Variants in DPYSL2 observed in about 807,000 individuals in gnomAD.
The protein encoded by DPYSL2 is dihydropyrimidinase like 2, also known as dihydropyrimidinase-related protein 2.
Under a neutral mutation model 69.9 loss-of-function variants are expected in DPYSL2, and 13 were observed. The observed-to-expected ratio is 0.19, with a 90% CI of 0.12 to 0.30. The LOEUF is 0.30. Ranked by LOEUF, DPYSL2 falls within the 10% of genes least tolerant of loss-of-function variation. DPYSL2 has a pLI of 1.00. For missense variants in DPYSL2, 587 were observed against 918.9 expected (o/e 0.64, Z 4.67); for synonymous variants, 326 against 359.1 (o/e 0.91, Z 1.04).
chr8:26,549,004 C>T (rs937725362), intron 1 of DPYSL2, among the ~76,000 whole-genome samples: 2 of 152,034 alleles, frequency 1.3e-5, no homozygotes, highest in Non-Finnish European at 2.9e-5. Context: ...GCCTGACCAA[C>T]ATGGGGAAGC....
chr8:26,568,935 A>C (rs1207009458), intron 1 of DPYSL2, among the ~76,000 whole-genome samples: 1 of 152,144 alleles, frequency 6.6e-6, no homozygotes, highest in Non-Finnish European at 1.5e-5. Flanking sequence ...TGTGAATGTG[A>C]GGCTTGATGC....
chr8:26,577,972 C>G (rs1801395715), intron 1 of DPYSL2: 3 of 1,304,426 alleles, frequency 2.3e-6, no homozygotes, highest in Non-Finnish European at 2.9e-6. Context: ...CCACCCCCTT[C>G]CCTCCTGTTT....
chr8:26,578,533 G>A, intron 1 of DPYSL2: 1 of 1,410,888 alleles, frequency 7.1e-7, no homozygotes, highest in African/African-American at 1.4e-5. Flanking sequence ...GGTAGCCTTA[G>A]GTAACGCGCC....
intron 1 of DPYSL2, among the ~76,000 whole-genome samples, chr8:26,575,914 A>C (rs1435533013): frequency 6.6e-6 from 1 of 152,082 alleles, no homozygotes; most frequent in Non-Finnish European, 1.5e-5. Flanking sequence ...CAAAGCTGGG[A>C]CTGACTGTTG....
In DPYSL2 at chr8:26,626,265, CT is replaced by C. The variant is rs1418895093; in HGVS notation, c.794-348del. 6.6e-6 allele frequency among the ~76,000 whole-genome samples: 1 copy of C among 152,086 alleles called. No individual in the cohort carries two copies. Among genetic ancestry groups the C allele is most frequent in the African/African-American group, 2.4e-5 (1 of 41,384 alleles). On this transcript the variant is annotated intron_variant, in intron 4 of 13. Transcript: ENST00000521913. This position sits in a 1 kb window ranked among gnomAD's most constrained non-coding sequence, Gnocchi z 4.3. ...ATGGAGGCTTGATTTTTGCTTCCAC[CT>C]TTTGGCTATTGTGAATAATTCTGCT...
chr8:26,649,777 C>A lies in DPYSL2; in HGVS notation c.1596+1977C>A, dbSNP rs565218368. Among the ~76,000 whole-genome samples, 11 of 152,220 alleles carry A rather than the reference C, an allele frequency of 7.2e-5. No individual in the cohort carries two copies. In the South Asian group the frequency reaches 1.9e-3, roughly 26 times the overall value. On this transcript the variant is annotated intron_variant, in intron 11 of 13. Transcript: ENST00000521913. ...TGGCCCGATGAGTAATTTTAGGGAG[C>A]CTGTGTGGATGTAGGTTAAAAATGT...
At chr8:26,556,972 G>A (rs1343161150) in intron 1 of DPYSL2, among the ~76,000 whole-genome samples, 1 of 152,124 alleles carries the variant, frequency 6.6e-6, no homozygotes, top group Non-Finnish European at 1.5e-5. Context: ...ATTCAGTGTT[G>A]AAAATACAGC....
chr8:26,555,260 GA>G (rs771993127), intron 1 of DPYSL2, among the ~76,000 whole-genome samples: 39 of 151,540 alleles, frequency 2.6e-4, no homozygotes, highest in Non-Finnish European at 4.3e-4. Flanking sequence ...GGTAATACAA[GA>G]AGCAAGAAAA....
chr8:26,573,730 G>A (rs1801278347), intron 1 of DPYSL2, among the ~76,000 whole-genome samples: 2 of 149,844 alleles, frequency 1.3e-5, no homozygotes, highest in South Asian at 2.1e-4. Context: ...CCAGCTACTC[G>A]GGAGGCTGAG....
At chr8:26,581,460 G>C (rs1214016056) in intron 1 of DPYSL2, among the ~76,000 whole-genome samples, 1 of 150,258 alleles carries the variant, frequency 6.7e-6, no homozygotes, top group Admixed American at 6.6e-5. Context: ...TACAACCTCC[G>C]CCTGCTGCTT....
rs1279730820 is a variant in DPYSL2 at position 26,588,923 on chromosome 8, C to T, written c.628+4940C>T. ...CTGTGTTACCTCTTGCACTCATTCC[C>T]TTACCCACACAGATTTGACTTTTGT... On this transcript the variant is annotated intron_variant, in intron 3 of 13. Coordinates refer to ENST00000521913, the MANE Select transcript of DPYSL2 (RefSeq NM_001197293.3). This position sits in a 1 kb window ranked among gnomAD's most constrained non-coding sequence, Gnocchi z 5.4. 1.3e-5 allele frequency among the ~76,000 whole-genome samples: 2 copies of T among 152,204 alleles called. No individual in the cohort carries two copies. The highest frequency in any genetic ancestry group is 6.5e-5 in the Admixed American group (1 of 15,286).
At chr8:26,578,003 C>G in intron 1 of DPYSL2, 1 of 1,367,166 alleles carries the variant, frequency 7.3e-7, no homozygotes, top group East Asian at 3.0e-5. Context: ...TTCTCTCTCT[C>G]TCTCTCTCTC....
chr8:26,577,013 G>T (rs1401844533), intron 1 of DPYSL2: 1 of 321,966 alleles, frequency 3.1e-6, no homozygotes, highest in East Asian at 1.6e-4. Flanking sequence ...GGCGGGCTGC[G>T]GCTGCTCCCC....
rs939763140 is a variant in DPYSL2 at position 26,626,331 on chromosome 8, G to T, written c.794-286G>T. ...GCAAACACTGGCAACTTTTAATTTT[G>T]ATATACTTGTAAACTTACAGGAAGA... is the stretch of plus-strand genomic sequence containing the variant. On this transcript the variant is annotated intron_variant, in intron 4 of 13. Coordinates refer to ENST00000521913, the MANE Select transcript of DPYSL2 (RefSeq NM_001197293.3). This position sits in a 1 kb window ranked among gnomAD's most constrained non-coding sequence, Gnocchi z 4.3. Among the ~76,000 whole-genome samples, 1 of 152,260 alleles carries T rather than the reference G, an allele frequency of 6.6e-6. No homozygotes were observed. Among genetic ancestry groups the T allele is most frequent in the Non-Finnish European group, 1.5e-5 (1 of 68,026 alleles).
Position 26,643,412 on chromosome 8 carries a change from C to G in DPYSL2, c.1127-27C>G. On this transcript the variant is annotated intron_variant, in intron 8 of 13. Coordinates refer to ENST00000521913, the MANE Select transcript of DPYSL2 (RefSeq NM_001197293.3). This position sits in a 1 kb window ranked among gnomAD's most constrained non-coding sequence, Gnocchi z 6.5. Reference sequence around the variant, plus strand: ...TCCCTTCCCCCTGCATTGTGTTGGACTGAACCTTGTGTGTTCTGTTTGTCA... The same window carrying G: ...TCCCTTCCCCCTGCATTGTGTTGGAGTGAACCTTGTGTGTTCTGTTTGTCA... 1 of 1,563,102 alleles carries G rather than the reference C, an allele frequency of 6.4e-7. No homozygotes were observed. Among genetic ancestry groups the G allele is most frequent in the Non-Finnish European group, 8.6e-7 (1 of 1,156,554 alleles).
Position 26,655,797 on chromosome 8 carries a change from GTT to G in DPYSL2, c.*101_*102del, listed in dbSNP as rs71216769. 55 of 785,554 alleles carry G rather than the reference GTT, an allele frequency of 7.0e-5. No homozygotes were observed. Among genetic ancestry groups the G allele is most frequent in the South Asian group, 2.1e-4 (7 of 33,378 alleles). The allele number at this position is 785,554 out of a possible 1,614,324, so 48.7% of individuals were successfully genotyped here. On this transcript the variant is annotated 3_prime_UTR_variant, in exon 14 of 14. Transcript: ENST00000521913. ...TTTCTTCCTTCCTTTTTTTTTTTTT[GTT>G]TTTTTTTTTAAGAGCCTGTGATAGT...
In DPYSL2 at chr8:26,627,780, C is replaced by A; in HGVS notation, c.937-92C>A. On this transcript the variant is annotated intron_variant, in intron 6 of 13. Coordinates refer to ENST00000521913, the MANE Select transcript of DPYSL2 (RefSeq NM_001197293.3). The surrounding 1 kb of genome is among the most constrained non-coding windows in gnomAD (Gnocchi z 6.9). Reference sequence around the variant, plus strand: ...ACGATCGGCAGTGGTAATTTTCCATCTTGCCCGGATAACTGCATGCCCGGG... The same window carrying A: ...ACGATCGGCAGTGGTAATTTTCCATATTGCCCGGATAACTGCATGCCCGGG... 7.6e-7 allele frequency: 1 copy of A among 1,316,152 alleles called. No homozygotes were observed. The highest frequency in any genetic ancestry group is 1.1e-6 in the Non-Finnish European group (1 of 936,596). The allele number at this position is 1,316,152 out of a possible 1,614,324, so 81.5% of individuals were successfully genotyped here.
chr8:26,582,191 G>T lies in DPYSL2; in HGVS notation c.443+134G>T. The T allele has an allele frequency of 3.1e-6, 2 of 643,412 alleles. No individual in the cohort carries two copies. Among genetic ancestry groups the T allele is most frequent in the African/African-American group, 1.8e-5 (1 of 54,970 alleles). 39.9% of individuals were successfully genotyped at this position (643,412 alleles called of 1,614,324 possible). On this transcript the variant is annotated intron_variant, in intron 2 of 13. Transcript: ENST00000521913. This position sits in a 1 kb window ranked among gnomAD's most constrained non-coding sequence, Gnocchi z 4.1. ...ACCAACTTAGTATCTGTTTTAAACT[G>T]GTTTTGATTGGTGGTAATTAGTGAA...
At chr8:26,563,240 A>T (rs186655713) in intron 1 of DPYSL2, among the ~76,000 whole-genome samples, 1 of 151,636 alleles carries the variant, frequency 6.6e-6, no homozygotes, top group Non-Finnish European at 1.5e-5. Flanking sequence ...GTCACACTAG[A>T]CTCCTTTCTG....
Sources: gnomAD v4.1 joint callset for allele counts (sites outside exome capture counted in the v4.1 genomes callset) on GRCh38, gnomAD v4.1.1 for gene constraint, Gnocchi (gnomAD v3.1) non-coding constraint, MANE v1.5 for transcripts, NCBI Gene and HGNC (gene_info 2026-07-23, HGNC 2026-07-21) for gene names.